The following GALNTL6 variants were observed in gnomAD, a reference collection of about 807,000 sequenced individuals.
GALNTL6 encodes polypeptide N-acetylgalactosaminyltransferase-like 6.
Under a neutral mutation model 73.7 loss-of-function variants are expected in GALNTL6, and 46 were observed. The ratio of observed to expected loss-of-function variants is 0.62; its 90% confidence interval spans 0.49 to 0.80. GALNTL6 has a LOEUF of 0.80. Among genes scored for constraint, GALNTL6 ranks in the 30% least tolerant of loss-of-function variants. The pLI is 0.00. For missense variants in GALNTL6, 604 were observed against 755.0 expected, an observed-to-expected ratio of 0.80 and a Z score of 2.34; for synonymous variants, 259 against 263.7, an observed-to-expected ratio of 0.98 and a Z score of 0.17.
chr4:172,645,182 A>G lies in GALNTL6; in HGVS notation c.554-164179A>G, dbSNP rs182745166. 3.0e-4 allele frequency among the ~76,000 whole-genome samples: 46 copies of G among 152,146 alleles called. No homozygotes were observed. In the East Asian group the frequency reaches 5.2e-3, roughly 17 times the overall value. On this transcript the variant is annotated intron_variant, in intron 5 of 12. Coordinates refer to ENST00000506823, the MANE Select transcript of GALNTL6 (RefSeq NM_001034845.3). ...ATTATAATAGTGTCTTCTGATAAATAGAAGATAATAAATTTAATAAAGGTG... is the reference window on the plus strand; with the variant it reads ...ATTATAATAGTGTCTTCTGATAAATGGAAGATAATAAATTTAATAAAGGTG...
intron 5 of GALNTL6, among the ~76,000 whole-genome samples, chr4:172,649,112 C>CA (rs1740368682): frequency 1.3e-5 from 2 of 152,112 alleles, no homozygotes; most frequent in Admixed American, 6.6e-5. Context: ...AAATTTTTCT[C>CA]AAAAAACAAA....
chr4:172,373,901 G>A lies in GALNTL6; in HGVS notation c.553+25212G>A, dbSNP rs138879763. Among the ~76,000 whole-genome samples the A allele has an allele frequency of 8.6e-3, 1,316 of 152,274 alleles. 22 individuals are homozygous for A. The highest frequency in any genetic ancestry group is 0.03 in the African/African-American group (1,252 of 41,540). On this transcript the variant is annotated intron_variant, in intron 5 of 12. Transcript: ENST00000506823. ...ACAGGAGATTAACACTGAGAAGGCC[G>A]CGCCAGTGTCCAGGAGGAAGTCAAT...
At chr4:171,903,382 G>A (rs1276191464) in intron 2 of GALNTL6, among the ~76,000 whole-genome samples, 1 of 152,108 alleles carries the variant, frequency 6.6e-6, no homozygotes, top group Non-Finnish European at 1.5e-5. Context: ...AAGGGGTGAT[G>A]GACGGCACCT....
chr4:172,582,993 C>A (rs934068616), intron 5 of GALNTL6, among the ~76,000 whole-genome samples: 1 of 152,160 alleles, frequency 6.6e-6, no homozygotes, highest in Non-Finnish European at 1.5e-5. Flanking sequence ...TGAGAAAGTA[C>A]AGGGACTACA....
At chr4:172,529,796 C>G (rs1735106980) in intron 5 of GALNTL6, among the ~76,000 whole-genome samples, 2 of 151,992 alleles carry the variant, frequency 1.3e-5, no homozygotes, top group African/African-American at 4.8e-5. Context: ...AGTGATTCTC[C>G]TGCCTCAGCC....
intron 2 of GALNTL6, among the ~76,000 whole-genome samples, chr4:172,019,382 G>A (rs1274651706): frequency 6.6e-6 from 1 of 151,096 alleles, no homozygotes; most frequent in Non-Finnish European, 1.5e-5. Flanking sequence ...ATAGATGAAT[G>A]GATTAAAAAA....
In GALNTL6 at chr4:172,196,440, A is replaced by G. The variant is rs574402476; in HGVS notation, c.139-33216A>G. Among the ~76,000 whole-genome samples, 7 of 152,304 alleles carry G rather than the reference A, an allele frequency of 4.6e-5. No homozygotes were observed. In the South Asian group the frequency reaches 1.5e-3, roughly 32 times the overall value. ...ATTAGGAGGGACTCCTCCCTAATTC[A>G]TTTTATGGGGCCAAATTCATCCTGC... On this transcript the variant is annotated intron_variant, in intron 2 of 12. Transcript: ENST00000506823.
intron 4 of GALNTL6, among the ~76,000 whole-genome samples, chr4:172,334,498 A>T (rs942955978): frequency 1.2e-4 from 19 of 152,098 alleles, no homozygotes; most frequent in African/African-American, 4.6e-4. Context: ...TCTTTTTTAC[A>T]GCTATTGTAA....
chr4:171,962,158 AGAAGAT>A (rs1332487315), intron 2 of GALNTL6, among the ~76,000 whole-genome samples: 4 of 152,240 alleles, frequency 2.6e-5, no homozygotes, highest in Admixed American at 2.6e-4. Context: ...AAGAAGTTAC[AGAAGAT>A]GGATCATTAT....
chr4:172,228,735 C>T (rs1736952359), intron 2 of GALNTL6, among the ~76,000 whole-genome samples: 1 of 152,078 alleles, frequency 6.6e-6, no homozygotes, highest in South Asian at 2.1e-4. Flanking sequence ...AATTTGAAAA[C>T]ACTTATTTTA....
chr4:172,331,630 T>C (rs1741129697), intron 4 of GALNTL6, among the ~76,000 whole-genome samples: 1 of 152,166 alleles, frequency 6.6e-6, no homozygotes, highest in Admixed American at 6.5e-5. Flanking sequence ...AATCATGCAG[T>C]ATTTATTTTT....
chr4:172,871,197 C>T (rs1010439816), intron 7 of GALNTL6, among the ~76,000 whole-genome samples: 1 of 152,168 alleles, frequency 6.6e-6, no homozygotes, highest in Admixed American at 6.6e-5. Context: ...CTCCTTCTGA[C>T]TCCCAGCTTT....
At chr4:172,440,623 ACT>A (rs1731800373) in intron 5 of GALNTL6, among the ~76,000 whole-genome samples, 1 of 152,110 alleles carries the variant, frequency 6.6e-6, no homozygotes, top group South Asian at 2.1e-4. Flanking sequence ...AAATTGGGTG[ACT>A]CTGATGTGTC....
intron 7 of GALNTL6, among the ~76,000 whole-genome samples, chr4:172,846,136 G>T (rs890536963): frequency 6.6e-6 from 1 of 152,242 alleles, no homozygotes; most frequent in South Asian, 2.1e-4. Flanking sequence ...CCTGGCCCCA[G>T]TAGGGAAGAG....
At chr4:172,265,607 C>A (rs1027805837) in intron 3 of GALNTL6, among the ~76,000 whole-genome samples, 1 of 151,996 alleles carries the variant, frequency 6.6e-6, no homozygotes, top group Admixed American at 6.6e-5. Context: ...AATCAGAAAT[C>A]TTTATGATAT....
In GALNTL6 at chr4:172,468,908, G is replaced by C. The variant is rs77195218; in HGVS notation, c.553+120219G>C. Among the ~76,000 whole-genome samples, 400 of 152,240 alleles carry C rather than the reference G, an allele frequency of 2.6e-3. 3 individuals carry two copies. The highest frequency in any genetic ancestry group is 8.7e-3 in the African/African-American group (362 of 41,528). ...TCTACAAACCTATTCTTCCTTTTCA[G>C]CTGGCTTCGTGTTAGGCTCTGCCAA... On this transcript the variant is annotated intron_variant, in intron 5 of 12. Coordinates refer to ENST00000506823, the MANE Select transcript of GALNTL6 (RefSeq NM_001034845.3).
At chr4:172,386,979 C>A (rs1240504439) in intron 5 of GALNTL6, among the ~76,000 whole-genome samples, 6 of 152,144 alleles carry the variant, frequency 3.9e-5, no homozygotes, top group Admixed American at 3.9e-4. Context: ...GAGAGACAGG[C>A]TCAATGCCTA....
At chr4:172,432,969 G>A (rs1731510822) in intron 5 of GALNTL6, among the ~76,000 whole-genome samples, 1 of 152,146 alleles carries the variant, frequency 6.6e-6, no homozygotes, top group Non-Finnish European at 1.5e-5. Context: ...AGTCAACAAA[G>A]ACAGTATAAT....
At chr4:172,634,014 G>A (rs539824651) in intron 5 of GALNTL6, among the ~76,000 whole-genome samples, 1 of 152,298 alleles carries the variant, frequency 6.6e-6, no homozygotes, top group Admixed American at 6.5e-5. Flanking sequence ...AAATTACCCA[G>A]TCTCTGGGAA....
Sources: allele counts gnomAD v4.1 joint callset (sites outside exome capture counted in the v4.1 genomes callset), GRCh38; gene constraint gnomAD v4.1.1; transcripts MANE v1.5; gene names NCBI Gene and HGNC (gene_info 2026-07-23, HGNC 2026-07-21).